MCF2L2: variants seen among roughly 807,000 people sequenced by gnomAD.
MCF2L2 encodes the protein MCF.2 cell line derived transforming sequence-like 2.
A neutral mutation model predicts 150.2 loss-of-function variants in MCF2L2; 102 were observed. That is an observed-to-expected ratio of 0.68 (90% CI 0.58 to 0.80). MCF2L2 has a LOEUF of 0.80. MCF2L2 is among the 30% of genes least tolerant of loss of function. MCF2L2 has a pLI of 0.00. For missense variants in MCF2L2, 1,256 were observed against 1,372.8 expected (o/e 0.91, Z 1.34); for synonymous variants, 465 against 491.3 (o/e 0.95, Z 0.71).
Position 183,272,984 on chromosome 3 carries a change from G to A in MCF2L2, c.1862+3888C>T, listed in dbSNP as rs1213407966. On this transcript the variant is annotated intron_variant, in intron 15 of 29. Transcript: ENST00000328913. ...ACAAGTTTAAATTTCAAGGAAATAT[G>A]AAGGCACTTCCTTTTTTTCTAAGAA... 5 of 1,473,454 alleles carry A rather than the reference G, an allele frequency of 3.4e-6. No individual in the cohort carries two copies. In the African/African-American group the frequency reaches 7.3e-5, roughly 22 times the overall value. The allele number at this position is 1,473,454 out of a possible 1,614,324, so 91.3% of individuals were successfully genotyped here.
At chr3:183,301,718 CTGGGAAGAGGAGGT>C (rs1728856244) in intron 10 of MCF2L2, among the ~76,000 whole-genome samples, 1 of 150,202 alleles carries the variant, frequency 6.7e-6, no homozygotes, top group Non-Finnish European at 1.5e-5. Context: ...TTGCTTGAAC[CTGGGAAGAGGAGGT>C]TGCAGTGAGC....
At chr3:183,346,465 G>A (rs1560032417) in intron 3 of MCF2L2, among the ~76,000 whole-genome samples, 3 of 152,166 alleles carry the variant, frequency 2.0e-5, no homozygotes, top group African/African-American at 7.2e-5. Flanking sequence ...ATACTGAATG[G>A]GCAAAGCTGG....
chr3:183,333,867 G>A (rs748303278), intron 5 of MCF2L2, among the ~76,000 whole-genome samples: 22 of 151,874 alleles, frequency 1.4e-4, no homozygotes, highest in Non-Finnish European at 2.6e-4. Context: ...AAGGAACCAG[G>A]GCTCTTAAGA....
chr3:183,214,186 G>T (rs73886282), intron 22 of MCF2L2, among the ~76,000 whole-genome samples: 3 of 152,070 alleles, frequency 2.0e-5, no homozygotes, highest in African/African-American at 7.2e-5. Flanking sequence ...AATTTAATAG[G>T]GATGTCTAAT....
chr3:183,331,084 AC>A (rs1730254745), intron 5 of MCF2L2, among the ~76,000 whole-genome samples: 1 of 151,776 alleles, frequency 6.6e-6, no homozygotes, highest in Admixed American at 6.6e-5. Context: ...CCCAACCACC[AC>A]CTTATCAAAC....
At chr3:183,285,748 G>T (rs1727755150) in intron 14 of MCF2L2, among the ~76,000 whole-genome samples, 1 of 152,012 alleles carries the variant, frequency 6.6e-6, no homozygotes, top group Non-Finnish European at 1.5e-5. Context: ...TCTTCTGGGA[G>T]CACAGAATAG....
In MCF2L2 at chr3:183,212,152, G is replaced by A. The variant is rs76454873; in HGVS notation, c.2496+3817C>T. On this transcript the variant is annotated intron_variant, in intron 22 of 29. Coordinates refer to ENST00000328913, the MANE Select transcript of MCF2L2 (RefSeq NM_015078.4). ...GCCGGCAGTCACCAGAAGCTCAGAC[G>A]AGGTAAGGAAGGATTCTTCCTGAGA... Among the ~76,000 whole-genome samples, 1,035 of 152,294 alleles carry A rather than the reference G, an allele frequency of 6.8e-3. 13 individuals are homozygous for A. Among genetic ancestry groups the A allele is most frequent in the African/African-American group, 0.023 (947 of 41,550 alleles).
intron 1 of MCF2L2, among the ~76,000 whole-genome samples, chr3:183,418,830 G>C (rs751316929): frequency 3.3e-5 from 5 of 152,318 alleles, no homozygotes; most frequent in Non-Finnish European, 7.3e-5. Context: ...GGCTGGCGTT[G>C]AATGCCTGCA....
chr3:183,387,134 C>T (rs1577113261), intron 2 of MCF2L2, among the ~76,000 whole-genome samples: 2 of 151,954 alleles, frequency 1.3e-5, no homozygotes, highest in East Asian at 3.9e-4. Flanking sequence ...TGCGCCAATG[C>T]CTGCCTGTAG....
In MCF2L2 at chr3:183,179,871, GC is replaced by G. The variant is rs1440429479; in HGVS notation, c.3106-180del. Among the ~76,000 whole-genome samples, 7 of 152,132 alleles carry G rather than the reference GC, an allele frequency of 4.6e-5. No homozygotes were observed. Among genetic ancestry groups the G allele is most frequent in the African/African-American group, 1.4e-4 (6 of 41,432 alleles). ...ACACCAGCGCACCGCCAAGGAGACA[GC>G]CACGTGGGGACATGCTGGACTAGGA... On this transcript the variant is annotated intron_variant, in intron 28 of 29. Transcript: ENST00000328913. The surrounding 1 kb of genome is among the most constrained non-coding windows in gnomAD (Gnocchi z 4.2).
chr3:183,390,479 G>A (rs1426460357), intron 1 of MCF2L2, among the ~76,000 whole-genome samples: 4 of 152,178 alleles, frequency 2.6e-5, no homozygotes, highest in Non-Finnish European at 5.9e-5. Flanking sequence ...TATAAGCCCT[G>A]TGATTTGCCC....
At chr3:183,358,705 C>T (rs1560039001) in intron 3 of MCF2L2, among the ~76,000 whole-genome samples, 1 of 152,144 alleles carries the variant, frequency 6.6e-6, no homozygotes, top group African/African-American at 2.4e-5. Flanking sequence ...ACTGCAACCT[C>T]GAACTCCAGG....
intron 4 of MCF2L2, among the ~76,000 whole-genome samples, chr3:183,340,458 C>G (rs1191770142): frequency 6.6e-6 from 1 of 152,044 alleles, no homozygotes; most frequent in African/African-American, 2.4e-5. Context: ...GTGGAGTTCA[C>G]AAGTCTGAGG....
chr3:183,195,508 G>A (rs545180459), intron 25 of MCF2L2, among the ~76,000 whole-genome samples: 15 of 152,060 alleles, frequency 9.9e-5, no homozygotes, highest in Non-Finnish European at 1.6e-4. Flanking sequence ...ATTGGTTCTG[G>A]GTCTGTCCAA....
chr3:183,342,226 T>G (rs1355722532), intron 3 of MCF2L2, among the ~76,000 whole-genome samples: 1 of 152,222 alleles, frequency 6.6e-6, no homozygotes, highest in African/African-American at 2.4e-5. Flanking sequence ...TCACAGAATC[T>G]TTCGAAAGTA....
intron 27 of MCF2L2, among the ~76,000 whole-genome samples, chr3:183,188,583 G>A (rs1032158206): frequency 3.3e-5 from 5 of 152,174 alleles, no homozygotes; most frequent in Non-Finnish European, 7.3e-5. Context: ...TACTCTGTCA[G>A]GCACCAGCTT....
At chr3:183,351,196 A>G (rs1311526857) in intron 3 of MCF2L2, among the ~76,000 whole-genome samples, 1,066 of 59,022 alleles carry the variant, frequency 0.018, 45 homozygotes, top group African/African-American at 0.06. Context: ...TTAAGTATAT[A>G]TATATATATA....
At position 183,216,094 on chromosome 3, in the gene MCF2L2, C is replaced by T; in HGVS notation, c.2371G>A (p.Asp791Asn). 6.2e-7 allele frequency: 1 copy of T among 1,612,820 alleles called. No individual in the cohort carries two copies. The highest frequency in any genetic ancestry group is 8.5e-7 in the Non-Finnish European group (1 of 1,179,462). ...DPGELGGSAK[D>N]GPKRTKDSAF... is the part of the protein sequence containing the mutation. ...GAATCTTTGGTTCTCTTTGGCCCAT[C>T]CTGTGGAAAACAAATGCCTTGTTGG... Residue 791 changes from aspartate (D) to asparagine (N), a missense_variant and splice_region_variant, in exon 22 of 30, where the codon GAT becomes AAT. Transcript: ENST00000328913.
intron 1 of MCF2L2, among the ~76,000 whole-genome samples, chr3:183,415,669 T>C (rs548828537): frequency 6.6e-6 from 1 of 152,240 alleles, no homozygotes; most frequent in South Asian, 2.1e-4. Flanking sequence ...GTATCTGATA[T>C]TAGTATCATC....
Sources: allele counts gnomAD v4.1 joint callset (sites outside exome capture counted in the v4.1 genomes callset), GRCh38; gene constraint gnomAD v4.1.1; non-coding constraint Gnocchi (gnomAD v3.1); transcripts MANE v1.5; gene names NCBI Gene and HGNC (gene_info 2026-07-23, HGNC 2026-07-21).